Variants in GPC3 observed in about 807,000 individuals in gnomAD.
The protein encoded by GPC3 is glypican 3.
In GPC3, 3 loss-of-function variants were observed where a neutral mutation model predicts 34.4. That is an observed-to-expected ratio of 0.09 (90% CI 0.04 to 0.23). The LOEUF is 0.23. GPC3 is among the 10% of genes least tolerant of loss of function. The probability of loss-of-function intolerance (pLI) is 1.00; values close to 1 mark genes in which losing one functional copy is unlikely to be tolerated. For synonymous variants in GPC3, 177 were observed against 174.0 expected, an observed-to-expected ratio of 1.02 and a Z score of -0.13; for missense variants, 351 against 445.6, an observed-to-expected ratio of 0.79 and a Z score of 1.91.
At chrX:133,616,822 C>T (rs954414894) in intron 6 of GPC3, among the ~76,000 whole-genome samples, 4 of 108,034 alleles carry the variant, frequency 3.7e-5, no homozygotes, top group African/African-American at 1.0e-4. Flanking sequence ...CTCAGCCTCC[C>T]GAGTAGCTGG....
At chrX:133,656,775 A>G (rs922085457) in intron 6 of GPC3, among the ~76,000 whole-genome samples, 3 of 111,836 alleles carry the variant, frequency 2.7e-5, no homozygotes, top group Non-Finnish European at 5.6e-5. Flanking sequence ...TTTAAGTTCC[A>G]TCTGCCCAGG....
intron 2 of GPC3, among the ~76,000 whole-genome samples, chrX:133,812,644 C>A (rs989613803): frequency 1.3e-4 from 15 of 112,079 alleles, no homozygotes; most frequent in African/African-American, 4.9e-4. Context: ...CCTATTCCGG[C>A]CAGGCAAAGA....
At chrX:133,827,504 C>T (rs776449276) in intron 2 of GPC3, among the ~76,000 whole-genome samples, 2 of 111,467 alleles carry the variant, frequency 1.8e-5, no homozygotes, top group Non-Finnish European at 3.8e-5. Context: ...GATTTTAGGC[C>T]GGGCATGGTG....
At chrX:133,824,075 A>T in intron 2 of GPC3, among the ~76,000 whole-genome samples, 1 of 110,918 alleles carries the variant, frequency 9.0e-6, no homozygotes, top group Non-Finnish European at 1.9e-5. Flanking sequence ...AAAAATACAA[A>T]GAGATATAGC....
chrX:133,812,217 T>A (rs1160069670), intron 2 of GPC3, among the ~76,000 whole-genome samples: 1 of 112,232 alleles, frequency 8.9e-6, no homozygotes, highest in Non-Finnish European at 1.9e-5. Flanking sequence ...CTTCATCATA[T>A]AAAAATATTT....
intron 3 of GPC3, among the ~76,000 whole-genome samples, chrX:133,713,181 T>G (rs1412464418): frequency 8.9e-6 from 1 of 112,096 alleles, no homozygotes; most frequent in Non-Finnish European, 1.9e-5. Context: ...ATGTGAAAGC[T>G]TTGGGAAAAA....
chrX:133,834,975 G>A (rs1229573724), intron 2 of GPC3, among the ~76,000 whole-genome samples: 1 of 111,891 alleles, frequency 8.9e-6, no homozygotes, highest in African/African-American at 3.2e-5. Flanking sequence ...AAACAGACTT[G>A]GATTGACTTA....
chrX:133,557,251 G>A (rs895871930), intron 7 of GPC3, among the ~76,000 whole-genome samples: 2 of 111,037 alleles, frequency 1.8e-5, no homozygotes, highest in Non-Finnish European at 3.8e-5. Context: ...CCGAGATCAC[G>A]CCACTGCACT....
intron 2 of GPC3, among the ~76,000 whole-genome samples, chrX:133,818,153 C>T (rs2075701546): frequency 9.0e-6 from 1 of 111,396 alleles, no homozygotes; most frequent in African/African-American, 3.3e-5. Context: ...TTATATTCCA[C>T]TAGCAAGGAA....
intron 1 of GPC3, among the ~76,000 whole-genome samples, chrX:133,970,705 G>A (rs1435515920): frequency 1.9e-5 from 2 of 102,966 alleles, no homozygotes; most frequent in Non-Finnish European, 2.0e-5. Flanking sequence ...GCGACTCTAT[G>A]CAAAAAAATG....
chrX:133,929,132 T>C (rs951535914), intron 2 of GPC3, among the ~76,000 whole-genome samples: 1 of 112,030 alleles, frequency 8.9e-6, no homozygotes, highest in Non-Finnish European at 1.9e-5. Context: ...CAGTATAAGA[T>C]AAGGGTCCAA....
intron 3 of GPC3, among the ~76,000 whole-genome samples, chrX:133,728,517 AC>A (rs1038587040): frequency 1.8e-5 from 2 of 111,695 alleles, no homozygotes; most frequent in African/African-American, 6.5e-5. Context: ...GATTTAGAAC[AC>A]CCCCTACTCA....
chrX:133,653,745 A>G (rs143253170), intron 6 of GPC3, among the ~76,000 whole-genome samples: 1,235 of 112,490 alleles, frequency 0.011, 20 homozygotes, highest in African/African-American at 0.037. Context: ...CAAGTTCATG[A>G]TTCCTACTGT....
At chrX:133,766,298 T>G (rs2071844292) in intron 2 of GPC3, among the ~76,000 whole-genome samples, 1 of 112,066 alleles carries the variant, frequency 8.9e-6, no homozygotes, top group African/African-American at 3.2e-5. Context: ...CATTTAATAT[T>G]TACTGAGTGT....
chrX:133,812,864 A>T (rs952115882), intron 2 of GPC3, among the ~76,000 whole-genome samples: 1 of 111,872 alleles, frequency 8.9e-6, no homozygotes, highest in African/African-American at 3.3e-5. Flanking sequence ...AATCCTTCCC[A>T]GTGCCCAGAC....
At chrX:133,855,549 A>ATATATATAT (rs1569445704) in intron 2 of GPC3, among the ~76,000 whole-genome samples, 4 of 105,926 alleles carry the variant, frequency 3.8e-5, no homozygotes, top group African/African-American at 6.9e-5. Context: ...ATATATATAT[A>ATATATATAT]GTAAAATGGT....
At chrX:133,877,022 A>G (rs892068787) in intron 2 of GPC3, among the ~76,000 whole-genome samples, 1 of 111,859 alleles carries the variant, frequency 8.9e-6, no homozygotes, top group African/African-American at 3.2e-5. Context: ...TTACTTAATA[A>G]GGAATAATAC....
chrX:133,732,386 C>A (rs1194886412), intron 3 of GPC3, among the ~76,000 whole-genome samples: 1 of 111,568 alleles, frequency 9.0e-6, no homozygotes, highest in African/African-American at 3.3e-5. Flanking sequence ...CATTTATAAC[C>A]TGAGAAAAAT....
chrX:133,855,322 C>T (rs1026054701), intron 2 of GPC3, among the ~76,000 whole-genome samples: 5 of 109,176 alleles, frequency 4.6e-5, no homozygotes, highest in African/African-American at 1.7e-4. Context: ...GTTCCTACAC[C>T]CGACTAATTT....
Sources: allele counts gnomAD v4.1 joint callset (sites outside exome capture counted in the v4.1 genomes callset), GRCh38; gene constraint gnomAD v4.1.1; transcripts MANE v1.5; gene names NCBI Gene and HGNC (gene_info 2026-07-23, HGNC 2026-07-21).